Variants in MCM9 observed in about 807,000 individuals in gnomAD.
The protein encoded by MCM9 is minichromosome maintenance 9 homologous recombination repair factor.
Under a neutral mutation model 72.8 loss-of-function variants are expected in MCM9, and 55 were observed. That is an observed-to-expected ratio of 0.76 (90% confidence interval 0.61 to 0.95). The LOEUF is 0.95. Ranked by LOEUF, MCM9 falls within the 40% of genes least tolerant of loss-of-function variation. The pLI is 0.00. For synonymous variants in MCM9, 480 were observed against 503.4 expected, an observed-to-expected ratio of 0.95 and a Z score of 0.62; for missense variants, 1,279 against 1,377.0, an observed-to-expected ratio of 0.93 and a Z score of 1.13.
intron 8 of MCM9, chr6:118,907,922 A>G (rs1424163684): frequency 1.9e-5 from 4 of 206,042 alleles, no homozygotes; most frequent in Non-Finnish European, 9.9e-6. Context: ...TCATTAGACC[A>G]GGTTGTAAAG....
rs1156866562 is a variant in MCM9, at chr6:118,856,529, A to G, written c.1167T>C (p.Ala389=). Residue 389 remains alanine (A), a synonymous_variant, in exon 9 of 14, where the codon GCT becomes GCC. Coordinates refer to ENST00000619706, the MANE Select transcript of MCM9 (RefSeq NM_017696.3). ...AATTCCATTCTCCTGAGTCTTTTAC[A>G]GCAGTTACCGTCAGACCTGAGGAAA... ...GSTSAGLTVT[A]VKDSGEWNLE... 1 of 1,535,534 alleles carries G rather than the reference A, an allele frequency of 6.5e-7. No individual in the cohort carries two copies. The highest frequency in any genetic ancestry group is 1.4e-5 in the African/African-American group (1 of 73,044).
chr6:118,923,764 A>G, intron 4 of MCM9, 47 bp downstream of exon 4: 2 of 1,554,808 alleles, frequency 1.3e-6, no homozygotes, highest in Non-Finnish European at 1.8e-6. Flanking sequence ...CCCATAGCTG[A>G]AAAACACTTC....
chr6:118,842,989 T>C (rs1435356676), intron 9 of MCM9, among the ~76,000 whole-genome samples: 4 of 152,204 alleles, frequency 2.6e-5, no homozygotes, highest in East Asian at 1.9e-4. Flanking sequence ...TTCACAAGCA[T>C]GTATTGATTC....
chr6:118,848,372 G>A (rs1776010490), intron 9 of MCM9, among the ~76,000 whole-genome samples: 7 of 151,734 alleles, frequency 4.6e-5, no homozygotes, highest in Admixed American at 3.9e-4. Context: ...ATTATAAAAC[G>A]TAAGCCCTAG....
intron 9 of MCM9, among the ~76,000 whole-genome samples, chr6:118,855,974 A>G (rs867875593): frequency 6.6e-6 from 1 of 152,192 alleles, no homozygotes; most frequent in Non-Finnish European, 1.5e-5. Context: ...GAGGATTTAT[A>G]AGGAGAATGC....
intron 9 of MCM9, among the ~76,000 whole-genome samples, chr6:118,829,824 G>C (rs1774410178): frequency 6.6e-6 from 1 of 152,140 alleles, no homozygotes; most frequent in South Asian, 2.1e-4. Flanking sequence ...AAAACTTTCT[G>C]TGTATTCACT....
intron 8 of MCM9, among the ~76,000 whole-genome samples, chr6:118,857,649 AGAG>A (rs1421404945): frequency 4.1e-5 from 6 of 146,998 alleles, no homozygotes; most frequent in South Asian, 2.1e-4. Flanking sequence ...AAAAAAAAAA[AGAG>A]GAGACACAAG....
chr6:118,849,902 G>A (rs997844621), intron 9 of MCM9, among the ~76,000 whole-genome samples: 27 of 151,720 alleles, frequency 1.8e-4, no homozygotes, highest in Admixed American at 1.7e-3. Flanking sequence ...AACATAGGAA[G>A]GACAAATCAG....
At chr6:118,851,921 A>G (rs1562410596) in intron 9 of MCM9, among the ~76,000 whole-genome samples, 1 of 152,228 alleles carries the variant, frequency 6.6e-6, no homozygotes, top group Non-Finnish European at 1.5e-5. Flanking sequence ...CTTCTCAGGC[A>G]AAACTCCTTT....
chr6:118,911,452 G>A, intron 8 of MCM9, 198 bp downstream of exon 8: 1 of 1,301,130 alleles, frequency 7.7e-7, no homozygotes, highest in Non-Finnish European at 9.7e-7. Context: ...TCAAAACTAA[G>A]ATGCAAAGTG....
intron 8 of MCM9, among the ~76,000 whole-genome samples, chr6:118,868,713 G>A (rs1440326871): frequency 4.6e-5 from 7 of 152,190 alleles, no homozygotes; most frequent in African/African-American, 1.7e-4. Context: ...AAACCACAAT[G>A]AGATACCATC....
rs143987557 is a variant in MCM9 at position 118,858,232 on chromosome 6, G to A, written c.1151-1687C>T. ...ATTCGAAAATTAATCAGTGTAATTC[G>A]CCATATCAATAAGCTAAGGAAGAAA... On this transcript the variant is annotated intron_variant, in intron 8 of 13. Transcript: ENST00000619706. Among the ~76,000 whole-genome samples, 590 of 152,112 alleles carry A rather than the reference G, an allele frequency of 3.9e-3. 6 individuals are homozygous for A. Among genetic ancestry groups the A allele is most frequent in the African/African-American group, 0.013 (557 of 41,510 alleles).
At chr6:118,870,478 T>G (rs1001079995) in intron 8 of MCM9, among the ~76,000 whole-genome samples, 1 of 151,976 alleles carries the variant, frequency 6.6e-6, no homozygotes, top group Non-Finnish European at 1.5e-5. Context: ...ACTTATGGAA[T>G]GCAGCCAAAA....
chr6:118,846,575 G>A (rs1775881383), intron 9 of MCM9, among the ~76,000 whole-genome samples: 1 of 151,782 alleles, frequency 6.6e-6, no homozygotes, highest in Non-Finnish European at 1.5e-5. Flanking sequence ...TGGCAGTCAT[G>A]GGAAGGATCC....
intron 9 of MCM9, among the ~76,000 whole-genome samples, chr6:118,833,691 T>C (rs1774749136): frequency 6.6e-6 from 1 of 152,112 alleles, no homozygotes; most frequent in Non-Finnish European, 1.5e-5. Flanking sequence ...GAAAGATCAA[T>C]ACTGTATGAT....
At chr6:118,881,101 T>C (rs574519760) in intron 8 of MCM9, among the ~76,000 whole-genome samples, 1 of 152,306 alleles carries the variant, frequency 6.6e-6, no homozygotes, top group East Asian at 1.9e-4. Flanking sequence ...AATGAACTCA[T>C]CTATTTTCAG....
Position 118,815,152 on chromosome 6 carries a change from C to G in MCM9, c.3104G>C (p.Gly1035Ala). The G allele has an allele frequency of 6.4e-7, 1 of 1,550,476 alleles. No individual in the cohort carries two copies. Among genetic ancestry groups the G allele is most frequent in the South Asian group, 1.2e-5 (1 of 84,046 alleles). Residue 1035 changes from glycine (G) to alanine (A), a missense_variant, in exon 14 of 14, where the codon GGA becomes GCA. Gly to Ala is a moderately conservative substitution (Grantham distance 60). Coordinates refer to ENST00000619706, the MANE Select transcript of MCM9 (RefSeq NM_017696.3). ...ETGCAHLTCEGDKKEEVSGSN... is the reference protein window; with the variant it reads ...ETGCAHLTCEADKKEEVSGSN... ...GCCTGAAACCTCTTCCTTTTTGTCT[C>G]CCTCACAAGTAAGATGAGCACACCC...
intron 8 of MCM9, among the ~76,000 whole-genome samples, chr6:118,870,312 C>A (rs1474775652): frequency 6.6e-6 from 1 of 152,086 alleles, no homozygotes; most frequent in Non-Finnish European, 1.5e-5. Context: ...TTTCCAACCA[C>A]AATGATATGA....
intron 9 of MCM9, among the ~76,000 whole-genome samples, chr6:118,850,000 A>G (rs1467528665): frequency 6.6e-6 from 1 of 151,930 alleles, no homozygotes; most frequent in Admixed American, 6.6e-5. Flanking sequence ...GTCTTTTTAT[A>G]TAGGTTTGAC....
Sources: allele counts gnomAD v4.1 joint callset (sites outside exome capture counted in the v4.1 genomes callset), GRCh38; gene constraint gnomAD v4.1.1; transcripts MANE v1.5; gene names NCBI Gene and HGNC (gene_info 2026-07-23, HGNC 2026-07-21).